The following NOXRED1 variants were observed in gnomAD, a reference collection of about 807,000 sequenced individuals.
NOXRED1 encodes NADP-dependent oxidoreductase domain-containing protein 1.
Under a neutral mutation model 30.4 loss-of-function variants are expected in NOXRED1, and 20 were observed. The observed-to-expected ratio is 0.66, with a 90% CI of 0.46 to 0.96. The LOEUF (loss-of-function observed/expected upper bound fraction) is 0.96, where lower values mean the gene tolerates loss of function less well. NOXRED1 is among the 40% of genes least tolerant of loss of function. The pLI is 0.00. For synonymous variants in NOXRED1, 155 were observed against 168.0 expected (o/e 0.92, Z 0.60); for missense variants, 374 against 428.0 (o/e 0.87, Z 1.11).
chr14:77,396,367 A>T (rs1894186852), intron 5 of NOXRED1, among the ~76,000 whole-genome samples: 1 of 150,466 alleles, frequency 6.6e-6, no homozygotes, highest in Admixed American at 6.7e-5. Flanking sequence ...CTCCTGCCTC[A>T]GCCTCCCAAG....
intron 2 of NOXRED1, 79 bp downstream of exon 2, chr14:77,413,854 TG>T: frequency 1.0e-6 from 1 of 955,380 alleles, no homozygotes; most frequent in Non-Finnish European, 1.5e-6. Context: ...GATTCCTCTT[TG>T]GAGGACCCTT....
chr14:77,422,593 G>A, intron 1 of NOXRED1, 142 bp downstream of exon 1: 1 of 778,960 alleles, frequency 1.3e-6, no homozygotes, highest in Admixed American at 2.0e-5. Flanking sequence ...TTTAGACCAG[G>A]AGTCATTGAC....
intron 1 of NOXRED1, among the ~76,000 whole-genome samples, chr14:77,421,401 T>C (rs536383799): frequency 6.6e-6 from 1 of 152,222 alleles, no homozygotes; most frequent in African/African-American, 2.4e-5. Flanking sequence ...GAGACAGATG[T>C]CAATTTTTAT....
At chr14:77,411,520 G>A (rs1252974936) in intron 2 of NOXRED1, among the ~76,000 whole-genome samples, 1 of 149,812 alleles carries the variant, frequency 6.7e-6, no homozygotes, top group Non-Finnish European at 1.5e-5. Context: ...AAATTATGCA[G>A]TGTGAAAGAA....
rs201045853 is a variant in NOXRED1 at position 77,405,316 on chromosome 14, AG to A, written c.905+596del. Among the ~76,000 whole-genome samples, 1,340 of 152,336 alleles carry A rather than the reference AG, an allele frequency of 8.8e-3. 19 individuals carry two copies. Among genetic ancestry groups the A allele is most frequent in the South Asian group, 0.037 (180 of 4,828 alleles). On this transcript the variant is annotated intron_variant, in intron 5 of 5. Coordinates refer to ENST00000380835, the MANE Select transcript of NOXRED1 (RefSeq NM_001113475.3). ...AGGCTGAGGCACTTGAATCACTTAA[AG>A]CCGGGAGGCAGAGGTTGCAGTGAGC...
chr14:77,403,295 T>C (rs1022438086), intron 5 of NOXRED1, among the ~76,000 whole-genome samples: 2 of 152,090 alleles, frequency 1.3e-5, no homozygotes, highest in Non-Finnish European at 2.9e-5. Context: ...GAATGAAACA[T>C]AGAATAGTAT....
intron 5 of NOXRED1, among the ~76,000 whole-genome samples, chr14:77,402,610 G>C (rs1894357647): frequency 6.6e-6 from 1 of 151,862 alleles, no homozygotes; most frequent in South Asian, 2.1e-4. Context: ...CTCTAGCCTG[G>C]GCAACAAGAG....
intron 2 of NOXRED1, among the ~76,000 whole-genome samples, chr14:77,411,858 G>A (rs977533699): frequency 1.6e-4 from 25 of 152,090 alleles, no homozygotes; most frequent in Admixed American, 4.6e-4. Flanking sequence ...TTGGGAGGCC[G>A]AGGCAGGCAG....
intron 1 of NOXRED1, among the ~76,000 whole-genome samples, chr14:77,417,630 C>G (rs1894865809): frequency 6.6e-6 from 1 of 152,208 alleles, no homozygotes; most frequent in Non-Finnish European, 1.5e-5. Context: ...TTATCTTTCT[C>G]TATGGTCTGA....
chr14:77,424,219 G>A (rs542285767), upstream of NOXRED1, among the ~76,000 whole-genome samples: 7 of 152,336 alleles, frequency 4.6e-5, no homozygotes, highest in East Asian at 1.4e-3. Context: ...GGGAGGCCGA[G>A]GCAGGCGGAT....
chr14:77,422,108 G>C lies in NOXRED1; in HGVS notation c.155+627C>G, dbSNP rs78348156. On this transcript the variant is annotated intron_variant, in intron 1 of 5. Transcript: ENST00000380835. ...TCTAACTTCAGAGAAAAACTAAGAAGTAGAGTGAGGAGGTGACATATGCTC... is the reference window on the plus strand; with the variant it reads ...TCTAACTTCAGAGAAAAACTAAGAACTAGAGTGAGGAGGTGACATATGCTC... Among the ~76,000 whole-genome samples the C allele has an allele frequency of 3.5e-3, 534 of 152,324 alleles. 4 individuals carry two copies. The highest frequency in any genetic ancestry group is 0.012 in the African/African-American group (515 of 41,566).
At chr14:77,405,473 C>CT (rs1160835011) in intron 5 of NOXRED1, among the ~76,000 whole-genome samples, 5 of 152,288 alleles carry the variant, frequency 3.3e-5, no homozygotes, top group African/African-American at 1.2e-4. Flanking sequence ...AACTACATCT[C>CT]TATCAAGTGG....
intron 5 of NOXRED1, among the ~76,000 whole-genome samples, chr14:77,397,881 C>CAAA (rs34854528): frequency 2.9e-5 from 3 of 102,544 alleles, no homozygotes; most frequent in Non-Finnish European, 2.0e-5. Flanking sequence ...AACTCCATCT[C>CAAA]AAAAAAAAAA....
At chr14:77,398,626 C>T (rs1404159097) in intron 5 of NOXRED1, among the ~76,000 whole-genome samples, 1 of 152,142 alleles carries the variant, frequency 6.6e-6, no homozygotes, top group African/African-American at 2.4e-5. Context: ...GAGACCTACC[C>T]GTAGGACTAT....
At chr14:77,419,691 G>A (rs59983911) in intron 1 of NOXRED1, among the ~76,000 whole-genome samples, 284 of 151,246 alleles carry the variant, frequency 1.9e-3, no homozygotes, top group African/African-American at 6.5e-3. Flanking sequence ...ATCGTGATCC[G>A]CCCCCCTCAG....
chr14:77,408,683 T>A (rs1048764652), intron 2 of NOXRED1, among the ~76,000 whole-genome samples: 4 of 152,082 alleles, frequency 2.6e-5, no homozygotes, highest in African/African-American at 9.6e-5. Flanking sequence ...ATTCAAGAAG[T>A]TATATGACTT....
chr14:77,396,051 T>C, intron 5 of NOXRED1, among the ~76,000 whole-genome samples: 1 of 150,208 alleles, frequency 6.7e-6, no homozygotes, highest in South Asian at 2.1e-4. Context: ...ACCCTGTCTG[T>C]TAAAAAAAAA....
intron 2 of NOXRED1, among the ~76,000 whole-genome samples, chr14:77,411,538 TA>T (rs894199905): frequency 4.6e-5 from 7 of 150,992 alleles, no homozygotes; most frequent in Non-Finnish European, 1.0e-4. Context: ...GAAGTTAGAC[TA>T]AAAAAACACT....
intron 5 of NOXRED1, among the ~76,000 whole-genome samples, chr14:77,395,556 C>T (rs1416529779): frequency 6.6e-6 from 1 of 151,894 alleles, no homozygotes; most frequent in Non-Finnish European, 1.5e-5. Context: ...AATCCTAGCA[C>T]TTTGGGAGGC....
Sources: allele counts gnomAD v4.1 joint callset (sites outside exome capture counted in the v4.1 genomes callset), GRCh38; gene constraint gnomAD v4.1.1; transcripts MANE v1.5; gene names NCBI Gene and HGNC (gene_info 2026-07-23, HGNC 2026-07-21).